The following TIAM1 variants were observed in gnomAD, a reference collection of about 807,000 sequenced individuals.
TIAM1 encodes the protein rho guanine nucleotide exchange factor TIAM1.
A neutral mutation model predicts 163.5 loss-of-function variants in TIAM1; 65 were observed. That is an observed-to-expected ratio of 0.40 (90% confidence interval 0.33 to 0.49). The LOEUF (loss-of-function observed/expected upper bound fraction) is 0.49, where lower values mean the gene tolerates loss of function less well. TIAM1 is among the 20% of genes least tolerant of loss of function. The pLI, the probability that TIAM1 is intolerant of heterozygous loss-of-function variation, is 0.77. For synonymous variants in TIAM1, 833 were observed against 810.1 expected (o/e 1.03, Z -0.48); for missense variants, 1,789 against 2,044.7 (o/e 0.87, Z 2.41).
intron 2 of TIAM1, among the ~76,000 whole-genome samples, chr21:31,389,759 T>C (rs1419283305): frequency 6.6e-6 from 1 of 152,226 alleles, no homozygotes; most frequent in African/African-American, 2.4e-5. Flanking sequence ...ATGAACTGTC[T>C]AACCTACTTA....
chr21:31,519,695 T>C (rs1308108362), intron 1 of TIAM1, among the ~76,000 whole-genome samples: 1 of 152,032 alleles, frequency 6.6e-6, no homozygotes, highest in Non-Finnish European at 1.5e-5. Flanking sequence ...AGGTGGCATA[T>C]CCATACAATG....
At chr21:31,190,938 T>C (rs1484262180) in intron 13 of TIAM1, among the ~76,000 whole-genome samples, 2 of 152,224 alleles carry the variant, frequency 1.3e-5, no homozygotes, top group Non-Finnish European at 2.9e-5. Flanking sequence ...GAACTCAGTA[T>C]CTAACCAGAA....
At chr21:31,290,081 T>C (rs1052373854) in intron 2 of TIAM1, among the ~76,000 whole-genome samples, 7 of 152,260 alleles carry the variant, frequency 4.6e-5, no homozygotes, top group East Asian at 3.8e-4. Context: ...AATGTATATA[T>C]ACTTGAAGTA....
chr21:31,484,430 C>T lies in TIAM1; in HGVS notation c.-421-20395G>A, dbSNP rs1323667224. Among the ~76,000 whole-genome samples, 45 of 152,208 alleles carry T rather than the reference C, an allele frequency of 3.0e-4. 1 individual carries two copies. The highest frequency in any genetic ancestry group is 2.9e-3 in the Admixed American group (45 of 15,278). ...GGTTGAATTGGCACAATGGAGCTAGCACTGTGGGTGGCCTCCAAACCCAGC... is the reference window on the plus strand; with the variant it reads ...GGTTGAATTGGCACAATGGAGCTAGTACTGTGGGTGGCCTCCAAACCCAGC... On this transcript the variant is annotated intron_variant, in intron 1 of 28. Transcript: ENST00000286827.
intron 5 of TIAM1, among the ~76,000 whole-genome samples, chr21:31,248,445 G>A (rs1021661310): frequency 6.6e-6 from 1 of 152,136 alleles, no homozygotes; most frequent in African/African-American, 2.4e-5. Flanking sequence ...GCAAATCTGA[G>A]AACCACGTTC....
chr21:31,277,858 CA>C (rs1264027625), intron 2 of TIAM1, among the ~76,000 whole-genome samples: 4 of 152,106 alleles, frequency 2.6e-5, no homozygotes, highest in Non-Finnish European at 4.4e-5. Flanking sequence ...TATGACATCC[CA>C]AATCAAATGA....
chr21:31,212,585 G>A (rs2086936659), intron 10 of TIAM1: 1 of 150,952 alleles, frequency 6.6e-6, no homozygotes, highest in African/African-American at 2.4e-5. Flanking sequence ...CCAAGCACAA[G>A]GCTGAACCAA....
At chr21:31,213,340 T>A (rs1159764459) in intron 10 of TIAM1, 58 bp downstream of exon 10, 1 of 1,430,276 alleles carries the variant, frequency 7.0e-7, no homozygotes, top group East Asian at 2.3e-5. Context: ...CACTGCACCA[T>A]GTATATGTTG....
At chr21:31,174,982 C>A (rs1159214186) in intron 15 of TIAM1, among the ~76,000 whole-genome samples, 2 of 152,112 alleles carry the variant, frequency 1.3e-5, no homozygotes, top group African/African-American at 2.4e-5. Flanking sequence ...TCTTGCTTGT[C>A]TCACAGGCTG....
At chr21:31,437,881 C>G (rs770088694) in intron 2 of TIAM1, among the ~76,000 whole-genome samples, 3 of 152,172 alleles carry the variant, frequency 2.0e-5, no homozygotes, top group African/African-American at 4.8e-5. Flanking sequence ...TCAGATATTT[C>G]TTTATAGCAG....
chr21:31,282,454 C>T (rs966666727), intron 2 of TIAM1, among the ~76,000 whole-genome samples: 1 of 152,228 alleles, frequency 6.6e-6, no homozygotes, highest in African/African-American at 2.4e-5. Flanking sequence ...CTGCCCTCCA[C>T]GGAGTGCAGA....
At chr21:31,130,080 G>C in intron 25 of TIAM1, 133 bp downstream of exon 25, 1 of 656,990 alleles carries the variant, frequency 1.5e-6, no homozygotes, top group South Asian at 2.2e-5. Flanking sequence ...CGAGAGACAA[G>C]AGAGTTAAGC....
At chr21:31,134,136 A>C (rs1378924188) in intron 23 of TIAM1, among the ~76,000 whole-genome samples, 1 of 152,122 alleles carries the variant, frequency 6.6e-6, no homozygotes, top group Non-Finnish European at 1.5e-5. Context: ...TCTCCTACTT[A>C]AATTATTTTC....
intron 2 of TIAM1, among the ~76,000 whole-genome samples, chr21:31,391,443 G>A (rs1462620825): frequency 6.6e-6 from 1 of 152,040 alleles, no homozygotes; most frequent in Non-Finnish European, 1.5e-5. Flanking sequence ...TGGCCAACAC[G>A]GCAAAACCCC....
At chr21:31,368,870 C>G (rs2076543650) in intron 2 of TIAM1, among the ~76,000 whole-genome samples, 2 of 152,086 alleles carry the variant, frequency 1.3e-5, no homozygotes, top group South Asian at 4.1e-4. Context: ...ATAATGCAAT[C>G]AGCAAACTTC....
intron 1 of TIAM1, among the ~76,000 whole-genome samples, chr21:31,466,033 G>A (rs1422248319): frequency 6.6e-6 from 1 of 152,194 alleles, no homozygotes; most frequent in Non-Finnish European, 1.5e-5. Context: ...ATTCAGGCGA[G>A]GTTGAACTAG....
chr21:31,308,849 A>T (rs986511303), intron 2 of TIAM1, among the ~76,000 whole-genome samples: 2 of 152,114 alleles, frequency 1.3e-5, no homozygotes, highest in Non-Finnish European at 2.9e-5. Context: ...CAGCCTATTG[A>T]TTCTCAATTT....
At chr21:31,246,760 T>C (rs980023672) in intron 5 of TIAM1, among the ~76,000 whole-genome samples, 1 of 152,198 alleles carries the variant, frequency 6.6e-6, no homozygotes, top group Non-Finnish European at 1.5e-5. Flanking sequence ...TACCACAGAA[T>C]AGCTGTTGAA....
chr21:31,520,645 C>G (rs1274224682), intron 1 of TIAM1, among the ~76,000 whole-genome samples: 3 of 152,152 alleles, frequency 2.0e-5, no homozygotes, highest in Admixed American at 6.5e-5. Flanking sequence ...TATGAATGAT[C>G]GCAAAGCGAA....
Sources: gnomAD v4.1 joint callset for allele counts (sites outside exome capture counted in the v4.1 genomes callset) on GRCh38, gnomAD v4.1.1 for gene constraint, MANE v1.5 for transcripts, NCBI Gene and HGNC (gene_info 2026-07-23, HGNC 2026-07-21) for gene names.